The following CADM2 variants were observed in gnomAD, a reference collection of about 807,000 sequenced individuals.
The protein encoded by CADM2 is immunoglobulin superfamily member 4D.
CADM2 carries 12 observed loss-of-function variants against 49.8 expected under a neutral mutation model. The ratio of observed to expected loss-of-function variants is 0.24; its 90% confidence interval spans 0.15 to 0.39. CADM2 has a LOEUF of 0.39. Among genes scored for constraint, CADM2 ranks in the 10% least tolerant of loss-of-function variants. The pLI is 1.00. For missense variants in CADM2, 378 were observed against 492.3 expected (o/e 0.77, Z 2.20); for synonymous variants, 214 against 175.4 (o/e 1.22, Z -1.74).
At chr3:85,423,347 A>G (rs1025688016) in intron 1 of CADM2, among the ~76,000 whole-genome samples, 4 of 152,108 alleles carry the variant, frequency 2.6e-5, no homozygotes, top group African/African-American at 9.7e-5. Flanking sequence ...GAAAGCAGGA[A>G]TGCCTGTTCT....
intron 1 of CADM2, among the ~76,000 whole-genome samples, chr3:85,212,876 T>TCTCTCTC (rs2041826930): frequency 1.1e-5 from 1 of 89,694 alleles, no homozygotes; most frequent in Non-Finnish European, 2.5e-5. Context: ...CTTTCTTTCT[T>TCTCTCTC]TCTTTCTTTC....
At chr3:85,759,381 T>A (rs535143483) in intron 2 of CADM2, among the ~76,000 whole-genome samples, 2 of 152,244 alleles carry the variant, frequency 1.3e-5, no homozygotes, top group South Asian at 4.1e-4. Context: ...TATAAGCATT[T>A]TACTTCTGAT....
At chr3:85,688,925 A>T (rs538531397) in intron 1 of CADM2, among the ~76,000 whole-genome samples, 14 of 152,304 alleles carry the variant, frequency 9.2e-5, no homozygotes, top group Non-Finnish European at 1.5e-4. Flanking sequence ...CAAGCTTTTC[A>T]TTCCTATGTA....
chr3:85,103,452 C>A (rs1312547092), intron 1 of CADM2, among the ~76,000 whole-genome samples: 1 of 151,848 alleles, frequency 6.6e-6, no homozygotes, highest in Non-Finnish European at 1.5e-5. Flanking sequence ...TGAGGGAGCA[C>A]AAGATAAATG....
intron 1 of CADM2, among the ~76,000 whole-genome samples, chr3:85,487,505 G>A (rs1339752266): frequency 7.2e-5 from 11 of 151,808 alleles, no homozygotes; most frequent in Admixed American, 3.9e-4. Context: ...AGAGGAGTAG[G>A]AGGAAGTGGA....
intron 1 of CADM2, among the ~76,000 whole-genome samples, chr3:85,078,696 TC>T (rs1192513408): frequency 6.6e-6 from 1 of 151,752 alleles, no homozygotes; most frequent in African/African-American, 2.4e-5. Flanking sequence ...CTTTTTTTTT[TC>T]TCTTAAAATG....
At chr3:85,829,124 A>G (rs551207559) in intron 3 of CADM2, among the ~76,000 whole-genome samples, 67 of 152,118 alleles carry the variant, frequency 4.4e-4, no homozygotes, top group African/African-American at 1.5e-3. Flanking sequence ...ATGTGTGTGA[A>G]TAATTTAAAG....
chr3:85,869,308 T>C (rs748477007), intron 3 of CADM2, among the ~76,000 whole-genome samples: 1 of 152,168 alleles, frequency 6.6e-6, no homozygotes, highest in Non-Finnish European at 1.5e-5. Context: ...AATTTAAATA[T>C]GGAATAAAAC....
At chr3:85,885,583 G>A (rs1373870676) in intron 4 of CADM2, among the ~76,000 whole-genome samples, 1 of 151,386 alleles carries the variant, frequency 6.6e-6, no homozygotes, top group East Asian at 2.0e-4. Context: ...TCAGGAGGCT[G>A]AGGCAGGAGA....
intron 8 of CADM2, among the ~76,000 whole-genome samples, chr3:86,047,673 T>G (rs1736835797): frequency 6.6e-6 from 1 of 152,216 alleles, no homozygotes; most frequent in Admixed American, 6.5e-5. Context: ...TTTTCATTCA[T>G]GCTGCTCCAG....
chr3:85,439,303 A>G (rs2037080621), intron 1 of CADM2, among the ~76,000 whole-genome samples: 2 of 151,572 alleles, frequency 1.3e-5, no homozygotes, highest in African/African-American at 2.4e-5. Context: ...ACAGGCATGC[A>G]CCACCACTCC....
intron 1 of CADM2, among the ~76,000 whole-genome samples, chr3:85,177,557 G>GA (rs1263236065): frequency 1.3e-5 from 2 of 151,758 alleles, no homozygotes; most frequent in African/African-American, 4.8e-5. Flanking sequence ...AAATATGAAT[G>GA]AAAATGATAA....
At chr3:85,526,898 A>G (rs1576721942) in intron 1 of CADM2, among the ~76,000 whole-genome samples, 1 of 152,348 alleles carries the variant, frequency 6.6e-6, no homozygotes, top group Admixed American at 6.5e-5. Context: ...TTACAAAATG[A>G]GTAAGAATTT....
At chr3:85,925,924 T>G (rs1046396505) in intron 6 of CADM2, among the ~76,000 whole-genome samples, 1 of 151,832 alleles carries the variant, frequency 6.6e-6, no homozygotes, top group Admixed American at 6.6e-5. Context: ...GATCATGAGG[T>G]CAGGAGATCG....
intron 5 of CADM2, among the ~76,000 whole-genome samples, chr3:85,911,026 A>G (rs1301893749): frequency 6.6e-6 from 1 of 152,118 alleles, no homozygotes; most frequent in Admixed American, 6.5e-5. Flanking sequence ...TTTGTTATTA[A>G]TACATTTTAA....
intron 1 of CADM2, among the ~76,000 whole-genome samples, chr3:85,213,115 T>C (rs1314791056): frequency 6.6e-6 from 1 of 151,994 alleles, no homozygotes; most frequent in Non-Finnish European, 1.5e-5. Flanking sequence ...AGTACTGACC[T>C]CAGGTGATCT....
At chr3:85,338,807 C>T (rs905003532) in intron 1 of CADM2, among the ~76,000 whole-genome samples, 31 of 151,540 alleles carry the variant, frequency 2.0e-4, no homozygotes, top group Middle Eastern at 3.4e-3. Context: ...CTAGATTATA[C>T]AGGAATCCCA....
chr3:85,069,733 A>C (rs1387620803), intron 1 of CADM2, among the ~76,000 whole-genome samples: 1 of 152,180 alleles, frequency 6.6e-6, no homozygotes, highest in African/African-American at 2.4e-5. Context: ...TGCTCTGTAA[A>C]GACTGGGAGT....
intron 1 of CADM2, among the ~76,000 whole-genome samples, chr3:85,325,739 A>C (rs1438990311): frequency 6.6e-6 from 1 of 151,514 alleles, no homozygotes; most frequent in Non-Finnish European, 1.5e-5. Flanking sequence ...TCTTGAGAAG[A>C]TTATCATTTA....
Sources: gnomAD v4.1 joint callset for allele counts (sites outside exome capture counted in the v4.1 genomes callset) on GRCh38, gnomAD v4.1.1 for gene constraint, MANE v1.5 for transcripts, NCBI Gene and HGNC (gene_info 2026-07-23, HGNC 2026-07-21) for gene names.